The following MICU1 variants were observed in gnomAD, a reference collection of about 807,000 sequenced individuals.
MICU1 encodes calcium uptake protein 1, mitochondrial.
A neutral mutation model predicts 56.8 loss-of-function variants in MICU1; 45 were observed. That is an observed-to-expected ratio of 0.79 (90% CI 0.62 to 1.02). MICU1 has a LOEUF of 1.02. MICU1 is among the 50% of genes least tolerant of loss of function. The probability of loss-of-function intolerance (pLI) is 0.00; values close to 1 mark genes in which losing one functional copy is unlikely to be tolerated. For missense variants in MICU1, 504 were observed against 587.1 expected, an observed-to-expected ratio of 0.86 and a Z score of 1.46; for synonymous variants, 186 against 195.1, an observed-to-expected ratio of 0.95 and a Z score of 0.39.
intron 5 of MICU1, among the ~76,000 whole-genome samples, chr10:72,512,366 C>CA (rs1424501418): frequency 3.9e-5 from 6 of 152,124 alleles, no homozygotes; most frequent in Non-Finnish European, 7.3e-5. Flanking sequence ...CTTGGCCTCT[C>CA]AAAGTGCTGG....
intron 6 of MICU1, among the ~76,000 whole-genome samples, chr10:72,482,590 T>G (rs1866335813): frequency 6.6e-6 from 1 of 152,054 alleles, no homozygotes; most frequent in Non-Finnish European, 1.5e-5. Context: ...AATGAGCTGT[T>G]TTTTTTCCTC....
chr10:72,393,440 G>A (rs1863145899), intron 10 of MICU1, among the ~76,000 whole-genome samples: 1 of 152,238 alleles, frequency 6.6e-6, no homozygotes, highest in South Asian at 2.1e-4. Flanking sequence ...AAGAGCGCTT[G>A]AGGTAGAAAC....
chr10:72,511,528 T>C (rs1467379021), intron 5 of MICU1, among the ~76,000 whole-genome samples: 1 of 152,210 alleles, frequency 6.6e-6, no homozygotes, highest in Non-Finnish European at 1.5e-5. Context: ...CCTATCACTA[T>C]AGTTAGTAAT....
chr10:72,426,039 AC>A (rs1445663132), intron 8 of MICU1, among the ~76,000 whole-genome samples: 1 of 150,992 alleles, frequency 6.6e-6, no homozygotes, highest in Non-Finnish European at 1.5e-5. Flanking sequence ...TTGTTGAGCA[AC>A]TTTTTTTGTT....
intron 4 of MICU1, among the ~76,000 whole-genome samples, chr10:72,539,321 G>C (rs1839711369): frequency 6.6e-6 from 1 of 152,044 alleles, no homozygotes; most frequent in Admixed American, 6.6e-5. Context: ...CACTTCTCCA[G>C]GACAGATCAT....
chr10:72,603,467 G>A (rs2132551978), intron 1 of MICU1, among the ~76,000 whole-genome samples: 1 of 151,896 alleles, frequency 6.6e-6, no homozygotes, highest in South Asian at 2.1e-4. Context: ...TGTGCCCAAG[G>A]TAATCAGGGT....
At chr10:72,453,831 T>C (rs1356438629) in intron 8 of MICU1, among the ~76,000 whole-genome samples, 1 of 142,860 alleles carries the variant, frequency 7.0e-6, no homozygotes, top group Non-Finnish European at 1.5e-5. Context: ...GCGCCTGGCC[T>C]ACTTTATTTT....
intron 3 of MICU1, among the ~76,000 whole-genome samples, chr10:72,562,147 CTTTTTTTTTT>C (rs533702573): frequency 4.8e-5 from 4 of 82,650 alleles, no homozygotes; most frequent in African/African-American, 2.0e-4. Context: ...TACATAAAAT[CTTTTTTTTTT>C]TTTTTTTTTT....
intron 10 of MICU1, among the ~76,000 whole-genome samples, chr10:72,390,188 G>C (rs1217383200): frequency 6.6e-6 from 1 of 151,202 alleles, no homozygotes; most frequent in Non-Finnish European, 1.5e-5. Flanking sequence ...CAGAAAAAAT[G>C]AAAAAAAGAA....
intron 6 of MICU1, chr10:72,483,588 G>A (rs370579724): frequency 6.6e-6 from 1 of 152,566 alleles, no homozygotes; most frequent in African/African-American, 2.4e-5. Context: ...CAGCCACTGA[G>A]AAAGCATGGA....
intron 4 of MICU1, among the ~76,000 whole-genome samples, chr10:72,544,575 T>C (rs1164387675): frequency 1.3e-5 from 2 of 152,230 alleles, no homozygotes; most frequent in Non-Finnish European, 2.9e-5. Flanking sequence ...TGTTTTTCTA[T>C]ATAGAACTTT....
At position 72,549,364 on chromosome 10, in the gene MICU1, T is replaced by C. The variant is rs547040880; in HGVS notation, c.493+1815A>G. Among the ~76,000 whole-genome samples, 5 of 151,914 alleles carry C rather than the reference T, an allele frequency of 3.3e-5. No homozygotes were observed. In the South Asian group the frequency reaches 8.3e-4, roughly 25 times the overall value. On this transcript the variant is annotated intron_variant, in intron 4 of 11. Transcript: ENST00000361114. ...CACCACCGTGCCTGGCTAATTTTTT[T>C]ATTTTTTGTAGAGATGGGGTTTCGC...
intron 10 of MICU1, among the ~76,000 whole-genome samples, chr10:72,383,246 A>AC (rs537176942): frequency 1.1e-4 from 5 of 43,548 alleles, no homozygotes. Context: ...ACCCTGTCTC[A>AC]AAAAAAAAAA....
intron 1 of MICU1, among the ~76,000 whole-genome samples, chr10:72,623,103 T>C (rs1219719190): frequency 6.6e-6 from 1 of 151,662 alleles, no homozygotes; most frequent in East Asian, 2.0e-4. Context: ...ACCCCATCTT[T>C]ACTAACAATA....
intron 10 of MICU1, among the ~76,000 whole-genome samples, chr10:72,400,563 T>G (rs1054310829): frequency 6.6e-6 from 1 of 151,884 alleles, no homozygotes; most frequent in East Asian, 1.9e-4. Context: ...CTGGCCAACA[T>G]GGTGAAACCC....
chr10:72,587,757 C>A (rs1250334307), intron 1 of MICU1, among the ~76,000 whole-genome samples: 2 of 151,860 alleles, frequency 1.3e-5, no homozygotes, highest in Non-Finnish European at 2.9e-5. Flanking sequence ...GCACTCCAGC[C>A]TAGGTGACAG....
intron 1 of MICU1, among the ~76,000 whole-genome samples, chr10:72,580,322 C>T (rs542644244): frequency 1.2e-4 from 18 of 152,152 alleles, no homozygotes; most frequent in Admixed American, 5.9e-4. Flanking sequence ...TATTAAACAA[C>T]CCCACCCCAC....
intron 9 of MICU1, among the ~76,000 whole-genome samples, chr10:72,420,958 C>T (rs1258892984): frequency 2.1e-5 from 3 of 144,530 alleles, no homozygotes; most frequent in Admixed American, 7.0e-5. Context: ...GCCGAGATCA[C>T]GCCATTGCAT....
intron 10 of MICU1, among the ~76,000 whole-genome samples, chr10:72,403,038 C>A (rs753454316): frequency 6.6e-6 from 1 of 152,060 alleles, no homozygotes; most frequent in Non-Finnish European, 1.5e-5. Flanking sequence ...CATAAATAAA[C>A]AAATAAAGAA....
Sources: allele counts gnomAD v4.1 joint callset (sites outside exome capture counted in the v4.1 genomes callset), GRCh38; gene constraint gnomAD v4.1.1; transcripts MANE v1.5; gene names NCBI Gene and HGNC (gene_info 2026-07-23, HGNC 2026-07-21).